SMO: variants seen among roughly 807,000 people sequenced by gnomAD.
SMO encodes the protein smoothened, frizzled class receptor, also known as protein smoothened.
SMO carries 40 observed loss-of-function variants against 81.6 expected under a neutral mutation model. The observed-to-expected ratio is 0.49, with a 90% confidence interval of 0.38 to 0.64. The LOEUF is 0.64. Ranked by LOEUF, SMO falls within the 30% of genes least tolerant of loss-of-function variation. The pLI is 0.00. For missense variants in SMO, 916 were observed against 1,061.1 expected, an observed-to-expected ratio of 0.86 and a Z score of 1.90; for synonymous variants, 434 against 432.1, an observed-to-expected ratio of 1.00 and a Z score of -0.05.
At position 129,206,934 on chromosome 7, in the gene SMO, T is replaced by C. The variant is rs1376566114; in HGVS notation, c.1264+347T>C. On this transcript the variant is annotated intron_variant, in intron 6 of 11. Transcript: ENST00000249373. This position sits in a 1 kb window ranked among gnomAD's most constrained non-coding sequence, Gnocchi z 4.4. ...ATCTTGGCTCACTGCAACCTTCGCC[T>C]CCTGGGTTCAAGTGATTCTCCTGCC... Among the ~76,000 whole-genome samples, 2 of 152,182 alleles carry C rather than the reference T, an allele frequency of 1.3e-5. No individual in the cohort carries two copies. The highest frequency in any genetic ancestry group is 2.9e-5 in the Non-Finnish European group (2 of 68,028).
rs192140262 is a variant in SMO, at chr7:129,206,597, G to A, written c.1264+10G>A. 14 of 1,614,016 alleles carry A rather than the reference G, an allele frequency of 8.7e-6. No individual in the cohort carries two copies. The East Asian group carries it at 3.1e-4, about 36-fold the overall frequency. On this transcript the variant is annotated intron_variant, in intron 6 of 11. Transcript: ENST00000249373. The surrounding 1 kb of genome is among the most constrained non-coding windows in gnomAD (Gnocchi z 4.4). ...TACTTCCTCATCCGAGGTGAGTGAA[G>A]ACCAGGCCAGGACCAGTTGGGCAAC...
In SMO at chr7:129,189,806, C is replaced by T. The variant is rs182702935; in HGVS notation, c.331+324C>T. Among the ~76,000 whole-genome samples the T allele has an allele frequency of 3.3e-4, 50 of 152,218 alleles. No individual in the cohort carries two copies. Among genetic ancestry groups the T allele is most frequent in the African/African-American group, 1.2e-3 (48 of 41,532 alleles). On this transcript the variant is annotated intron_variant, in intron 1 of 11. Coordinates refer to ENST00000249373, the MANE Select transcript of SMO (RefSeq NM_005631.5). The surrounding 1 kb of genome is among the most constrained non-coding windows in gnomAD (Gnocchi z 4.7). ...AGACATTTTGTAAGAAGAGGAGATGCTCCACCTATTCTGGAAGCAGGGTGC... is the reference window on the plus strand; with the variant it reads ...AGACATTTTGTAAGAAGAGGAGATGTTCCACCTATTCTGGAAGCAGGGTGC...
chr7:129,205,507 C>T, intron 3 of SMO, 95 bp downstream of exon 3: 1 of 1,528,708 alleles, frequency 6.5e-7, no homozygotes, highest in South Asian at 1.1e-5. Context: ...GGTGGGGGTC[C>T]CCAGGGAAGG....
intron 2 of SMO, among the ~76,000 whole-genome samples, chr7:129,204,412 C>T (rs1042563911): frequency 2.0e-5 from 3 of 151,630 alleles, no homozygotes; most frequent in African/African-American, 2.4e-5. Context: ...AAGGCTGAGG[C>T]GGGTGGATCA....
At position 129,188,633 on chromosome 7, in the gene SMO, A is replaced by G. The variant is rs1328260219; in HGVS notation, c.-519A>G. On this transcript the variant is annotated 5_prime_UTR_variant, in exon 1 of 12. Transcript: ENST00000249373. The surrounding 1 kb of genome is among the most constrained non-coding windows in gnomAD (Gnocchi z 4.9). ...GGGCTTGGCTCCGCGAGGCCCGTGC[A>G]TTCCAGAGAGCCCAGCGAGCTAGAG... Among the ~76,000 whole-genome samples, 4 of 151,944 alleles carry G rather than the reference A, an allele frequency of 2.6e-5. No individual in the cohort carries two copies. The highest frequency in any genetic ancestry group is 4.1e-4 in the South Asian group (2 of 4,830).
intron 1 of SMO, among the ~76,000 whole-genome samples, chr7:129,196,508 AGATT>A (rs1293644086): frequency 6.6e-6 from 1 of 152,018 alleles, no homozygotes; most frequent in Non-Finnish European, 1.5e-5. Context: ...TTGACTATAT[AGATT>A]AACTTGGAAA....
intron 1 of SMO, among the ~76,000 whole-genome samples, chr7:129,191,985 C>T (rs768181915): frequency 5.3e-5 from 8 of 151,842 alleles, no homozygotes; most frequent in African/African-American, 9.7e-5. Flanking sequence ...TTTGGGAGGC[C>T]GAGGCGGGAA....
chr7:129,200,697 A>T (rs1563147859), intron 1 of SMO, among the ~76,000 whole-genome samples: 1 of 152,326 alleles, frequency 6.6e-6, no homozygotes, highest in East Asian at 1.9e-4. Flanking sequence ...GTTACCACAG[A>T]TATAAAAAGA....
intron 6 of SMO, among the ~76,000 whole-genome samples, chr7:129,207,748 CT>C (rs1793797222): frequency 6.6e-6 from 1 of 152,082 alleles, no homozygotes; most frequent in Non-Finnish European, 1.5e-5. Flanking sequence ...CAAAAGTTGC[CT>C]GGGCAGGGTG....
In SMO at chr7:129,206,711, T is replaced by TCA. The variant is rs1446914091; in HGVS notation, c.1264+129_1264+130dup. On this transcript the variant is annotated intron_variant, in intron 6 of 11. Transcript: ENST00000249373. This position sits in a 1 kb window ranked among gnomAD's most constrained non-coding sequence, Gnocchi z 4.4. ...ACCCCAGCTAGCTCCTATAGGGCCTTCACACAGTAGAAGGTGACCCTCTAG... is the reference window on the plus strand; with the variant it reads ...ACCCCAGCTAGCTCCTATAGGGCCTTCACACACAGTAGAAGGTGACCCTCTAG... The TCA allele has an allele frequency of 1.1e-6, 1 of 931,946 alleles. No individual in the cohort carries two copies. The highest frequency in any genetic ancestry group is 1.6e-6 in the Non-Finnish European group (1 of 643,636). 57.7% of individuals were successfully genotyped at this position (931,946 alleles called of 1,614,324 possible).
chr7:129,192,033 C>A (rs1793488594), intron 1 of SMO, among the ~76,000 whole-genome samples: 1 of 151,394 alleles, frequency 6.6e-6, no homozygotes, highest in Non-Finnish European at 1.5e-5. Context: ...CAGCCTGAGA[C>A]CTTGCCTCTA....
chr7:129,212,064 A>G lies in SMO; in HGVS notation c.1977A>G (p.Ala659=), dbSNP rs1245872318. The part of the protein sequence containing the change: ...EEQANLWLVE[A]EISPELQKRL... ...AAGCCAACCTGTGGCTGGTTGAGGC[A>G]GAGATCTCCCCAGAGCTGCAGAAGC... The change falls in exon 12 of 12, where the codon GCA becomes GCG. Residue 659 remains alanine (A), a synonymous_variant. Transcript: ENST00000249373. The surrounding 1 kb of genome is among the most constrained non-coding windows in gnomAD (Gnocchi z 5.0). The G allele has an allele frequency of 2.2e-5, 35 of 1,588,900 alleles. No individual in the cohort carries two copies. Among genetic ancestry groups the G allele is most frequent in the Non-Finnish European group, 2.9e-5 (34 of 1,173,498 alleles).
rs2150655394 is a variant in SMO at position 129,211,585 on chromosome 7, G to A, written c.1802-51G>A. 6.3e-7 allele frequency: 1 copy of A among 1,598,676 alleles called. No individual in the cohort carries two copies. The highest frequency in any genetic ancestry group is 8.5e-7 in the Non-Finnish European group (1 of 1,172,600). On this transcript the variant is annotated intron_variant, in intron 10 of 11. Coordinates refer to ENST00000249373, the MANE Select transcript of SMO (RefSeq NM_005631.5). The surrounding 1 kb of genome is among the most constrained non-coding windows in gnomAD (Gnocchi z 4.6). ...GCACTGACTATGGGAGGCACTGCCAGGGACCGGGAAGTCACTATTCCTTCT... is the reference window on the plus strand; with the variant it reads ...GCACTGACTATGGGAGGCACTGCCAAGGACCGGGAAGTCACTATTCCTTCT...
rs575345659 is a variant in SMO at position 129,211,500 on chromosome 7, G to A, written c.1802-136G>A. 428 of 952,426 alleles carry A rather than the reference G, an allele frequency of 4.5e-4. 4 individuals carry two copies. In the South Asian group the frequency reaches 5.1e-3, roughly 11 times the overall value. 59.0% of individuals were successfully genotyped at this position (952,426 alleles called of 1,614,324 possible). A position where few individuals can be genotyped will look rare whatever the true frequency, so the allele number is the denominator to read the frequency against. ...AGATTCTGAAGGGGTAGAGATCACC[G>A]TGGTTACAGGGTGAGCTTTCTCTGG... On this transcript the variant is annotated intron_variant, in intron 10 of 11. Coordinates refer to ENST00000249373, the MANE Select transcript of SMO (RefSeq NM_005631.5). The surrounding 1 kb of genome is among the most constrained non-coding windows in gnomAD (Gnocchi z 4.6).
chr7:129,194,536 A>G (rs1023275080), intron 1 of SMO, among the ~76,000 whole-genome samples: 2 of 152,180 alleles, frequency 1.3e-5, no homozygotes, highest in African/African-American at 4.8e-5. Flanking sequence ...TGTCTTGTCT[A>G]GTCACATCCC....
At chr7:129,200,828 T>C (rs1793656814) in intron 1 of SMO, among the ~76,000 whole-genome samples, 1 of 152,204 alleles carries the variant, frequency 6.6e-6, no homozygotes, top group South Asian at 2.1e-4. Flanking sequence ...CTCCACCTCC[T>C]GTGTTCAAGC....
In SMO at chr7:129,189,530, G is replaced by A. The variant is rs1211819451; in HGVS notation, c.331+48G>A. ...TGGGGGGCGGGAGGTGCCGCGGTAA[G>A]ATGGGGGCACCCTTGGAAAGAACAG... On this transcript the variant is annotated intron_variant, in intron 1 of 11. Coordinates refer to ENST00000249373, the MANE Select transcript of SMO (RefSeq NM_005631.5). The surrounding 1 kb of genome is among the most constrained non-coding windows in gnomAD (Gnocchi z 4.7). 1.3e-6 allele frequency: 2 copies of A among 1,527,860 alleles called. No individual in the cohort carries two copies. The highest frequency in any genetic ancestry group is 1.8e-6 in the Non-Finnish European group (2 of 1,141,708). The allele number at this position is 1,527,860 out of a possible 1,614,324, so 94.6% of individuals were successfully genotyped here.
chr7:129,203,366 T>C lies in SMO; in HGVS notation c.332-18T>C. The C allele has an allele frequency of 6.5e-7, 1 of 1,543,436 alleles. No individual in the cohort carries two copies. The highest frequency in any genetic ancestry group is 1.2e-5 in the South Asian group (1 of 83,596). ...GAGTGAGGAGGGGCCTTCACTGCAA[T>C]GCTGTTGCCACCCCCAGGCCTCCGG... is the stretch of plus-strand genomic sequence containing the variant. On this transcript the variant is annotated intron_variant, in intron 1 of 11. Transcript: ENST00000249373.
intron 1 of SMO, among the ~76,000 whole-genome samples, chr7:129,191,975 T>C (rs1276684549): frequency 6.6e-6 from 1 of 152,064 alleles, no homozygotes; most frequent in Non-Finnish European, 1.5e-5. Context: ...ATCTCAGCAC[T>C]TTGGGAGGCC....
Sources: gnomAD v4.1 joint callset for allele counts (sites outside exome capture counted in the v4.1 genomes callset) on GRCh38, gnomAD v4.1.1 for gene constraint, Gnocchi (gnomAD v3.1) non-coding constraint, MANE v1.5 for transcripts, NCBI Gene and HGNC (gene_info 2026-07-23, HGNC 2026-07-21) for gene names.